VSTM2B: variants seen among roughly 807,000 people sequenced by gnomAD.
The protein encoded by VSTM2B is V-set and transmembrane domain-containing protein 2B.
Under a neutral mutation model 24.0 loss-of-function variants are expected in VSTM2B, and 24 were observed. The ratio of observed to expected loss-of-function variants is 1.00; its 90% CI spans 0.72 to 1.40. The LOEUF (loss-of-function observed/expected upper bound fraction) is 1.40. Among genes scored for constraint, VSTM2B ranks in the 40% most tolerant of loss-of-function variants. VSTM2B has a pLI of 0.00. For synonymous variants in VSTM2B, 226 were observed against 194.4 expected, an observed-to-expected ratio of 1.16 and a Z score of -1.35; for missense variants, 399 against 416.4, an observed-to-expected ratio of 0.96 and a Z score of 0.36.
At chr19:29,554,753 G>A (rs1483286861) in intron 4 of VSTM2B, among the ~76,000 whole-genome samples, 2 of 152,162 alleles carry the variant, frequency 1.3e-5, no homozygotes, top group African/African-American at 2.4e-5. Flanking sequence ...GCAGAAAAAA[G>A]CAGGGGTTGC....
At position 29,526,349 on chromosome 19, in the gene VSTM2B, C is replaced by G. The variant is rs1969563500; in HGVS notation, c.-235C>G. The stretch of plus-strand genomic sequence containing the variant: ...CACTGACCGATCGCCAGCAGCCTCC[C>G]GGTGGGACCGCGTCTCCTGCACACC... On this transcript the variant is annotated 5_prime_UTR_variant, in exon 1 of 5. Transcript: ENST00000335523. The surrounding 1 kb of genome is among the most constrained non-coding windows in gnomAD (Gnocchi z 4.1). 2 of 182,916 alleles carry G rather than the reference C, an allele frequency of 1.1e-5. No individual in the cohort carries two copies. Among genetic ancestry groups the G allele is most frequent in the East Asian group, 1.6e-4 (1 of 6,370 alleles). The allele number at this position is 182,916 out of a possible 1,614,324, so 11.3% of individuals were successfully genotyped here.
chr19:29,562,730 A>G (rs1302935190), intron 4 of VSTM2B, among the ~76,000 whole-genome samples: 1 of 152,178 alleles, frequency 6.6e-6, no homozygotes, highest in Non-Finnish European at 1.5e-5. Context: ...CCAGGTGAGA[A>G]GCCCAGGGTT....
intron 3 of VSTM2B, chr19:29,529,047 C>T: frequency 3.0e-6 from 3 of 985,456 alleles, no homozygotes; most frequent in Middle Eastern, 5.2e-4. Context: ...CCACCTGGAG[C>T]GTAGAAAGGC....
chr19:29,538,913 A>G (rs1331539466), intron 4 of VSTM2B, among the ~76,000 whole-genome samples: 1 of 152,140 alleles, frequency 6.6e-6, no homozygotes, highest in Non-Finnish European at 1.5e-5. Context: ...TGGGGATCAC[A>G]TTTCAACATA....
At chr19:29,552,231 C>T (rs10410218) in intron 4 of VSTM2B, among the ~76,000 whole-genome samples, 13,320 of 152,226 alleles carry the variant, frequency 0.088, 1,211 homozygotes, top group African/African-American at 0.23. Flanking sequence ...TGGTCTGCCC[C>T]GATTCATTTG....
In VSTM2B at chr19:29,526,846, G is replaced by C; in HGVS notation, c.82+181G>C. On this transcript the variant is annotated intron_variant, in intron 1 of 4. Coordinates refer to ENST00000335523, the MANE Select transcript of VSTM2B (RefSeq NM_001146339.2). This position sits in a 1 kb window ranked among gnomAD's most constrained non-coding sequence, Gnocchi z 4.1. ...GGCGAAGGGTCGCCGCAGCAGCAGCGCCGCGCCCGAGTCGTTCCCAGTCCC... is the reference window on the plus strand; with the variant it reads ...GGCGAAGGGTCGCCGCAGCAGCAGCCCCGCGCCCGAGTCGTTCCCAGTCCC... 1 of 557,104 alleles carries C rather than the reference G, an allele frequency of 1.8e-6. No individual in the cohort carries two copies. 34.5% of individuals were successfully genotyped at this position (557,104 alleles called of 1,614,324 possible). A position where few individuals can be genotyped will look rare whatever the true frequency, so the allele number is the denominator to read the frequency against.
chr19:29,545,644 C>G (rs573286437), intron 4 of VSTM2B, among the ~76,000 whole-genome samples: 1 of 152,248 alleles, frequency 6.6e-6, no homozygotes, highest in South Asian at 2.1e-4. Flanking sequence ...CACTCTGTTT[C>G]TGCAAAGGAC....
chr19:29,557,971 A>G (rs958067232), intron 4 of VSTM2B, among the ~76,000 whole-genome samples: 1 of 152,188 alleles, frequency 6.6e-6, no homozygotes, highest in African/African-American at 2.4e-5. Context: ...TCTGATATCC[A>G]GAAACTACAA....
intron 4 of VSTM2B, among the ~76,000 whole-genome samples, chr19:29,534,285 C>T (rs2145472939): frequency 6.6e-6 from 1 of 152,310 alleles, no homozygotes; most frequent in South Asian, 2.1e-4. Flanking sequence ...CCCTCCATTC[C>T]CTGTCTGGGC....
At chr19:29,547,133 T>C (rs1192097705) in intron 4 of VSTM2B, among the ~76,000 whole-genome samples, 2 of 152,210 alleles carry the variant, frequency 1.3e-5, no homozygotes, top group African/African-American at 4.8e-5. Flanking sequence ...GGACCCCCCG[T>C]TAAATTTGAA....
In VSTM2B at chr19:29,526,672, G is replaced by A; in HGVS notation, c.82+7G>A. 3 of 1,527,228 alleles carry A rather than the reference G, an allele frequency of 2.0e-6. No individual in the cohort carries two copies. Among genetic ancestry groups the A allele is most frequent in the Non-Finnish European group, 2.6e-6 (3 of 1,142,308 alleles). 94.6% of individuals were successfully genotyped at this position (1,527,228 alleles called of 1,614,324 possible). On this transcript the variant is annotated splice_region_variant and intron_variant, in intron 1 of 4. Transcript: ENST00000335523. This position sits in a 1 kb window ranked among gnomAD's most constrained non-coding sequence, Gnocchi z 4.1. ...CTGCTCTTCGTGGCCGACGGTGAGC[G>A]CGGGAACTTTGCTGCCGCTGTGGAC...
At chr19:29,536,744 C>G (rs1969900060) in intron 4 of VSTM2B, among the ~76,000 whole-genome samples, 1 of 152,156 alleles carries the variant, frequency 6.6e-6, no homozygotes, top group Non-Finnish European at 1.5e-5. Context: ...GAGCTGGAAG[C>G]CAGCCTTGTT....
intron 4 of VSTM2B, among the ~76,000 whole-genome samples, chr19:29,548,592 G>T (rs559395932): frequency 6.6e-6 from 1 of 152,342 alleles, no homozygotes; most frequent in South Asian, 2.1e-4. Context: ...AGGTGGCAGA[G>T]GTTCTCACCC....
intron 4 of VSTM2B, among the ~76,000 whole-genome samples, chr19:29,556,277 C>T (rs1035164456): frequency 7.2e-5 from 11 of 152,034 alleles, no homozygotes; most frequent in Non-Finnish European, 1.5e-4. Context: ...GAACGAAAGA[C>T]CAAAACCACA....
chr19:29,549,707 A>T (rs952479059), intron 4 of VSTM2B, among the ~76,000 whole-genome samples: 4 of 152,092 alleles, frequency 2.6e-5, no homozygotes, highest in African/African-American at 9.7e-5. Flanking sequence ...AGGGAAAAGG[A>T]TGGGGTTTGA....
intron 4 of VSTM2B, among the ~76,000 whole-genome samples, chr19:29,543,804 G>T (rs1242415182): frequency 6.6e-6 from 1 of 152,198 alleles, no homozygotes; most frequent in Non-Finnish European, 1.5e-5. Context: ...GGAGGGGCAG[G>T]CTCCTCTCTT....
At chr19:29,531,873 G>A (rs75888167) in intron 4 of VSTM2B, among the ~76,000 whole-genome samples, 3,022 of 152,290 alleles carry the variant, frequency 0.02, 36 homozygotes, top group South Asian at 0.055. Context: ...GGCATGTGGC[G>A]GCTCTGTTCC....
intron 4 of VSTM2B, among the ~76,000 whole-genome samples, 153 bp downstream of exon 4, chr19:29,530,443 C>CT (rs36051186): frequency 0.18 from 27,816 of 152,060 alleles, 2,837 homozygotes; most frequent in East Asian, 0.42. Flanking sequence ...GCGCCCCCCC[C>CT]AGGGCCTTCT....
chr19:29,541,114 G>A (rs1361303540), intron 4 of VSTM2B, among the ~76,000 whole-genome samples: 1 of 152,188 alleles, frequency 6.6e-6, no homozygotes, highest in African/African-American at 2.4e-5. Context: ...TTAAGTCAAG[G>A]TTAGAGTTTA....
Sources: allele counts gnomAD v4.1 joint callset (sites outside exome capture counted in the v4.1 genomes callset), GRCh38; gene constraint gnomAD v4.1.1; non-coding constraint Gnocchi (gnomAD v3.1); transcripts MANE v1.5; gene names NCBI Gene and HGNC (gene_info 2026-07-23, HGNC 2026-07-21).